The following NLRP14 variants were observed in gnomAD, a reference collection of about 807,000 sequenced individuals.
NLRP14 encodes the protein NLR family pyrin domain containing 14.
Under a neutral mutation model 94.7 loss-of-function variants are expected in NLRP14, and 105 were observed. That is an observed-to-expected ratio of 1.11 (90% CI 0.95 to 1.30). NLRP14 has a LOEUF of 1.30. Among genes scored for constraint, NLRP14 ranks in the 50% most tolerant of loss-of-function variants. The pLI is 0.00. For synonymous variants in NLRP14, 508 were observed against 459.9 expected (o/e 1.10, Z -1.34); for missense variants, 1,362 against 1,254.1 (o/e 1.09, Z -1.30).
At chr11:7,021,247 G>T (rs1467972334) in intron 1 of NLRP14, among the ~76,000 whole-genome samples, 1 of 152,192 alleles carries the variant, frequency 6.6e-6, no homozygotes, top group East Asian at 1.9e-4. Context: ...CTATGTAACA[G>T]ACTTGTTAGA....
At position 7,062,475 on chromosome 11, in the gene NLRP14, T is replaced by C; in HGVS notation, c.2947T>C (p.Tyr983His). The part of the protein sequence containing the change: ...GVKILCDALR[Y>H]PNCNIQRLGL... Reference sequence around the variant, plus strand: ...GAAAATTCTGTGTGATGCTTTGAGATATCCAAACTGTAACATTCAGAGGCT... The same window carrying C: ...GAAAATTCTGTGTGATGCTTTGAGACATCCAAACTGTAACATTCAGAGGCT... Residue 983 changes from tyrosine to histidine, a missense_variant, in exon 10 of 12, where the codon TAT becomes CAT. By Grantham distance (83) the Tyr-to-His change is moderately conservative (BLOSUM62 2). Coordinates refer to ENST00000299481, the MANE Select transcript of NLRP14 (RefSeq NM_176822.4). 6.2e-7 allele frequency: 1 copy of C among 1,613,172 alleles called. No homozygotes were observed.
At chr11:7,070,868 G>T (rs915878272) in intron 11 of NLRP14, among the ~76,000 whole-genome samples, 2 of 152,128 alleles carry the variant, frequency 1.3e-5, no homozygotes, top group African/African-American at 2.4e-5. Context: ...TATGTTCTCT[G>T]TTTTTATTAT....
intron 9 of NLRP14, among the ~76,000 whole-genome samples, chr11:7,061,063 C>T (rs1327615748): frequency 6.6e-6 from 1 of 151,938 alleles, no homozygotes; most frequent in Non-Finnish European, 1.5e-5. Context: ...ATGGTCTAAC[C>T]CCAACATAGT....
chr11:7,024,577 T>C (rs1565008549), intron 1 of NLRP14, among the ~76,000 whole-genome samples: 1 of 152,196 alleles, frequency 6.6e-6, no homozygotes. Context: ...GAGAGGTCTC[T>C]GGAATCTGTG....
the NLRP14 span, chr11:7,089,317 C>G: frequency 6.2e-7 from 1 of 1,605,476 alleles, no homozygotes; most frequent in South Asian, 1.1e-5. Context: ...AAGGCCGCCG[C>G]CAGAGACATG....
chr11:7,043,621 T>G lies in NLRP14; in HGVS notation c.1595T>G (p.Leu532Trp). The change falls in exon 4 of 12, where the codon TTG (leucine) becomes TGG (tryptophan). Residue 532 changes from leucine to tryptophan, a missense_variant. By Grantham distance (61) the Leu-to-Trp change is moderately conservative (BLOSUM62 -2). Transcript: ENST00000299481. ...DPHLTQMKCF[L>W]FGLLNEDRVK... ...CATTTGACACAGATGAAGTGCTTTT[T>G]GTTTGGCCTTTTGAATGAAGATCGA... 1 of 1,614,192 alleles carries G rather than the reference T, an allele frequency of 6.2e-7. No individual in the cohort carries two copies. Among genetic ancestry groups the G allele is most frequent in the South Asian group, 1.1e-5 (1 of 91,086 alleles).
In NLRP14 at chr11:7,047,763, C is replaced by CTTTT. The variant is rs370253823; in HGVS notation, c.2123+932_2123+935dup. On this transcript the variant is annotated intron_variant, in intron 5 of 11. Transcript: ENST00000299481. ...AATTTATCTTCTTTCTCTTTCTTTT[C>CTTTT]TTTTCTTTTTTTTTTTTGAGACAGT... Among the ~76,000 whole-genome samples the CTTTT allele has an allele frequency of 8.9e-5, 11 of 123,838 alleles. 2 individuals are homozygous for CTTTT. Among genetic ancestry groups the CTTTT allele is most frequent in the South Asian group, 2.5e-4 (1 of 3,936 alleles). The allele number at this position is 123,838 out of a possible 152,430, so 81.2% of individuals were successfully genotyped here. A position where few individuals can be genotyped will look rare whatever the true frequency, so the allele number is the denominator to read the frequency against.
chr11:7,038,880 G>A lies in NLRP14; in HGVS notation c.289+5G>A, dbSNP rs780169707. On this transcript the variant is annotated splice_donor_5th_base_variant and intron_variant, in intron 2 of 11. Coordinates refer to ENST00000299481, the MANE Select transcript of NLRP14 (RefSeq NM_176822.4). ...GAGCGAAAGAAGAGATCAACTGTGA[G>A]TGATGCTAGGGGCAAATCGGGGGCT... is the stretch of plus-strand genomic sequence containing the variant. 3 of 1,612,914 alleles carry A rather than the reference G, an allele frequency of 1.9e-6. No individual in the cohort carries two copies. The South Asian group carries it at 3.3e-5, about 18-fold the overall frequency.
chr11:7,058,776 T>C (rs889723291), intron 8 of NLRP14, among the ~76,000 whole-genome samples: 16 of 151,980 alleles, frequency 1.1e-4, no homozygotes, highest in Admixed American at 4.6e-4. Context: ...ATGATGAATT[T>C]AGAACTAAAG....
intron 11 of NLRP14, among the ~76,000 whole-genome samples, chr11:7,070,862 TTC>T (rs2119724863): frequency 6.6e-6 from 1 of 152,284 alleles, no homozygotes; most frequent in South Asian, 2.1e-4. Flanking sequence ...AATAAATATG[TTC>T]TCTGTTTTTA....
intron 4 of NLRP14, among the ~76,000 whole-genome samples, chr11:7,044,717 T>C (rs1225854079): frequency 6.6e-6 from 1 of 152,190 alleles, no homozygotes; most frequent in African/African-American, 2.4e-5. Flanking sequence ...CCCAGATGTA[T>C]ATAAAATTAA....
chr11:7,087,915 T>C, the NLRP14 span, among the ~76,000 whole-genome samples: 2 of 152,152 alleles, frequency 1.3e-5, no homozygotes. Flanking sequence ...AAAAAGGTAT[T>C]CACCAGAAAT....
the NLRP14 span, among the ~76,000 whole-genome samples, chr11:7,082,812 C>T: frequency 1.3e-5 from 2 of 152,256 alleles, no homozygotes; most frequent in African/African-American, 4.8e-5. Context: ...ACATAGGGAG[C>T]GTTACATAGT....
At chr11:7,052,571 T>A (rs2119658344) in intron 6 of NLRP14, among the ~76,000 whole-genome samples, 1 of 152,098 alleles carries the variant, frequency 6.6e-6, no homozygotes, top group Middle Eastern at 3.4e-3. Flanking sequence ...GAGGCGGAGG[T>A]TGCAGTGAGC....
At chr11:7,040,892 TTTATTA>T (rs1565015340) in intron 3 of NLRP14, among the ~76,000 whole-genome samples, 1 of 152,210 alleles carries the variant, frequency 6.6e-6, no homozygotes, top group Non-Finnish European at 1.5e-5. Flanking sequence ...TAATTTTTGT[TTTATTA>T]TTATTTCAAA....
intron 1 of NLRP14, among the ~76,000 whole-genome samples, chr11:7,038,003 C>T (rs1328062821): frequency 6.6e-6 from 1 of 151,480 alleles, no homozygotes; most frequent in Non-Finnish European, 1.5e-5. Flanking sequence ...TATTTATGAC[C>T]AGAAATGACA....
the NLRP14 span, among the ~76,000 whole-genome samples, chr11:7,079,893 G>A: frequency 1.3e-5 from 2 of 152,312 alleles, no homozygotes; most frequent in South Asian, 2.1e-4. Flanking sequence ...GCAGGAATGC[G>A]GTTACACTGG....
chr11:7,043,395 G>A lies in NLRP14; in HGVS notation c.1369G>A (p.Val457Ile), dbSNP rs780843394. 6 of 1,614,110 alleles carry A rather than the reference G, an allele frequency of 3.7e-6. No homozygotes were observed. The highest frequency in any genetic ancestry group is 4.2e-6 in the Non-Finnish European group (5 of 1,179,974). The change falls in exon 4 of 12, where the codon GTC (valine) becomes ATC (isoleucine). Residue 457 changes from valine to isoleucine, a missense_variant. Transcript: ENST00000299481. The part of the protein sequence containing the change: ...LRRLGLTQSD[V>I]SSFMDSNIIQ... ...AAGGCTTGGGTTAACTCAATCTGAT[G>A]TCTCTAGTTTTATGGACAGCAATAT... is the stretch of plus-strand genomic sequence containing the variant.
In NLRP14 at chr11:7,049,608, G is replaced by T. The variant is rs573879982; in HGVS notation, c.2124-63G>T. 1.4e-4 allele frequency: 162 copies of T among 1,118,384 alleles called. 1 individual carries two copies. In the Middle Eastern group the frequency reaches 2.2e-3, roughly 15 times the overall value. The allele number at this position is 1,118,384 out of a possible 1,614,324, so 69.3% of individuals were successfully genotyped here. ...ATCCAAGAATTAGATTGAAAAGAAA[G>T]GGATCCTGTAACCAAGGAGAGAAAT... On this transcript the variant is annotated intron_variant, in intron 5 of 11. Coordinates refer to ENST00000299481, the MANE Select transcript of NLRP14 (RefSeq NM_176822.4).
Sources: allele counts gnomAD v4.1 joint callset (sites outside exome capture counted in the v4.1 genomes callset), GRCh38; gene constraint gnomAD v4.1.1; transcripts MANE v1.5; gene names NCBI Gene and HGNC (gene_info 2026-07-23, HGNC 2026-07-21).